GRID2: variants seen among roughly 807,000 people sequenced by gnomAD.
GRID2 encodes glutamate ionotropic receptor delta type subunit 2.
In GRID2, 33 loss-of-function variants were observed where a neutral mutation model predicts 114.8. That is an observed-to-expected ratio of 0.29 (90% CI 0.22 to 0.38). The LOEUF (loss-of-function observed/expected upper bound fraction) is 0.38, where lower values mean the gene tolerates loss of function less well. Ranked by LOEUF, GRID2 falls within the 10% of genes least tolerant of loss-of-function variation. The probability of loss-of-function intolerance (pLI) is 1.00; values close to 1 mark genes in which losing one functional copy is unlikely to be tolerated. For synonymous variants in GRID2, 505 were observed against 449.9 expected, an observed-to-expected ratio of 1.12 and a Z score of -1.55; for missense variants, 1,184 against 1,257.7, an observed-to-expected ratio of 0.94 and a Z score of 0.89.
chr4:92,871,120 A>C (rs1468739895), intron 2 of GRID2, among the ~76,000 whole-genome samples: 2 of 152,186 alleles, frequency 1.3e-5, no homozygotes, highest in Non-Finnish European at 2.9e-5. Context: ...ATAGAAATAT[A>C]CAGATAGATA....
chr4:92,859,247 G>A (rs1212667775), intron 2 of GRID2, among the ~76,000 whole-genome samples: 1 of 152,094 alleles, frequency 6.6e-6, no homozygotes, highest in Non-Finnish European at 1.5e-5. Flanking sequence ...ATGACTGGCT[G>A]AATGCACAAT....
At chr4:92,373,872 G>A (rs1579257716) in intron 1 of GRID2, among the ~76,000 whole-genome samples, 1 of 152,102 alleles carries the variant, frequency 6.6e-6, no homozygotes, top group South Asian at 2.1e-4. Context: ...TGAAGGAATA[G>A]GGAAATTAGG....
At chr4:92,830,295 T>G (rs1742013353) in intron 2 of GRID2, among the ~76,000 whole-genome samples, 1 of 138,324 alleles carries the variant, frequency 7.2e-6, no homozygotes. Flanking sequence ...ATTTACATTG[T>G]TTTTTTTTTT....
rs150459065 is a variant in GRID2, at chr4:92,635,058, C to T, written c.244+44772C>T. 2.1e-3 allele frequency among the ~76,000 whole-genome samples: 314 copies of T among 152,042 alleles called. 1 individual carries two copies. The highest frequency in any genetic ancestry group is 0.012 in the South Asian group (58 of 4,826). On this transcript the variant is annotated intron_variant, in intron 2 of 15. Transcript: ENST00000282020. Reference sequence around the variant, plus strand: ...TGCCAAGTGCATGGTGATTTTGTGACGTAGAGAAATAGGGTTCTGGGTGAG... The same window carrying T: ...TGCCAAGTGCATGGTGATTTTGTGATGTAGAGAAATAGGGTTCTGGGTGAG...
intron 1 of GRID2, among the ~76,000 whole-genome samples, chr4:92,488,554 T>C (rs2149111257): frequency 6.6e-6 from 1 of 152,236 alleles, no homozygotes; most frequent in South Asian, 2.1e-4. Context: ...TACTGGGAAA[T>C]GGGAAACAAA....
At chr4:93,569,334 A>C (rs936945735) in intron 13 of GRID2, among the ~76,000 whole-genome samples, 2 of 152,098 alleles carry the variant, frequency 1.3e-5, no homozygotes, top group African/African-American at 4.8e-5. Context: ...CTGCTTCTGG[A>C]GAAGCCTACT....
chr4:93,481,158 A>G (rs1437346008), intron 11 of GRID2, among the ~76,000 whole-genome samples: 1 of 151,970 alleles, frequency 6.6e-6, no homozygotes, highest in Non-Finnish European at 1.5e-5. Flanking sequence ...TTATTTTGGG[A>G]CCTAATTTGT....
At chr4:92,871,368 G>T (rs1343159711) in intron 2 of GRID2, among the ~76,000 whole-genome samples, 4 of 151,386 alleles carry the variant, frequency 2.6e-5, no homozygotes, top group Non-Finnish European at 5.9e-5. Flanking sequence ...TTAGGCCTCA[G>T]ATTTTTTATT....
chr4:93,278,456 G>A (rs535228837), intron 8 of GRID2, among the ~76,000 whole-genome samples: 7 of 151,932 alleles, frequency 4.6e-5, no homozygotes, highest in Admixed American at 3.3e-4. Flanking sequence ...ACGGGGTGGA[G>A]GAATGGCTCT....
At chr4:93,578,611 T>TTTTTTG (rs1491414765) in intron 13 of GRID2, among the ~76,000 whole-genome samples, 4 of 130,018 alleles carry the variant, frequency 3.1e-5, no homozygotes, top group African/African-American at 1.1e-4. Flanking sequence ...TTTTTTTTTT[T>TTTTTTG]GAGTTGGAGT....
chr4:92,569,332 A>G (rs377163458), intron 1 of GRID2, among the ~76,000 whole-genome samples: 11 of 151,992 alleles, frequency 7.2e-5, no homozygotes, highest in African/African-American at 2.7e-4. Flanking sequence ...ATAGTATTCT[A>G]TGGTGTATAT....
chr4:92,600,115 G>GTGTA (rs1016338454), intron 2 of GRID2, among the ~76,000 whole-genome samples: 1 of 141,798 alleles, frequency 7.1e-6, no homozygotes, highest in Non-Finnish European at 1.5e-5. Flanking sequence ...TTAGGGGAGG[G>GTGTA]TGTAGGTGGG....
chr4:92,636,148 A>G (rs1731054441), intron 2 of GRID2, among the ~76,000 whole-genome samples: 1 of 151,962 alleles, frequency 6.6e-6, no homozygotes, highest in African/African-American at 2.4e-5. Flanking sequence ...AGAACCCTAG[A>G]GTTGGTGGGC....
chr4:93,225,668 C>A (rs12649977), intron 7 of GRID2, among the ~76,000 whole-genome samples: 103,493 of 151,978 alleles, frequency 0.68, 35,795 homozygotes, highest in Middle Eastern at 0.86. Context: ...AAATATAAAA[C>A]TTTAATATTA....
chr4:93,161,455 T>C (rs752535364), intron 4 of GRID2, among the ~76,000 whole-genome samples: 1 of 151,878 alleles, frequency 6.6e-6, no homozygotes, highest in Non-Finnish European at 1.5e-5. Flanking sequence ...TTTGAAGGAA[T>C]TTGAGCTTCT....
chr4:93,790,964 T>G lies in GRID2; in HGVS notation c.222-15751T>G, dbSNP rs553738245. On this transcript the variant is annotated intron_variant, in intron 1 of 1. Transcript: ENST00000637838. ...GTAAAACACTTAGCACAGTTCTTTGTTCACAGTAGGCTCAAAATAGTGTTC... is the reference window on the plus strand; with the variant it reads ...GTAAAACACTTAGCACAGTTCTTTGGTCACAGTAGGCTCAAAATAGTGTTC... 5.3e-5 allele frequency among the ~76,000 whole-genome samples: 8 copies of G among 152,342 alleles called. No individual in the cohort carries two copies. The South Asian group carries it at 1.7e-3, about 32-fold the overall frequency.
chr4:93,345,603 G>A (rs921845783), intron 8 of GRID2, among the ~76,000 whole-genome samples: 1 of 151,928 alleles, frequency 6.6e-6, no homozygotes, highest in East Asian at 1.9e-4. Context: ...TCTCTTCACT[G>A]TGTTGATTGT....
At chr4:92,482,622 G>A (rs1560661060) in intron 1 of GRID2, among the ~76,000 whole-genome samples, 1 of 152,026 alleles carries the variant, frequency 6.6e-6, no homozygotes, top group Admixed American at 6.6e-5. Context: ...TTTAAGACGA[G>A]ATTAATTTAA....
At chr4:92,917,936 T>C (rs964524299) in intron 2 of GRID2, among the ~76,000 whole-genome samples, 7 of 152,218 alleles carry the variant, frequency 4.6e-5, no homozygotes, top group Non-Finnish European at 8.8e-5. Flanking sequence ...ATAAATTACC[T>C]TGGGCAGTAT....
Sources: allele counts gnomAD v4.1 joint callset (sites outside exome capture counted in the v4.1 genomes callset), GRCh38; gene constraint gnomAD v4.1.1; transcripts MANE v1.5; gene names NCBI Gene and HGNC (gene_info 2026-07-23, HGNC 2026-07-21).